ACTN1: variants seen among roughly 807,000 people sequenced by gnomAD.
ACTN1 encodes alpha-actinin-1.
A neutral mutation model predicts 119.6 loss-of-function variants in ACTN1; 30 were observed. The observed-to-expected ratio is 0.25, with a 90% CI of 0.19 to 0.34. The LOEUF is 0.34. Among genes scored for constraint, ACTN1 ranks in the 10% least tolerant of loss-of-function variants. The probability of loss-of-function intolerance (pLI) is 1.00; values close to 1 mark genes in which losing one functional copy is unlikely to be tolerated. For synonymous variants in ACTN1, 429 were observed against 472.6 expected (o/e 0.91, Z 1.20); for missense variants, 764 against 1,223.4 (o/e 0.62, Z 5.60).
At chr14:68,962,928 T>C (rs1050577699) in intron 1 of ACTN1, among the ~76,000 whole-genome samples, 3 of 152,234 alleles carry the variant, frequency 2.0e-5, no homozygotes, top group African/African-American at 7.2e-5. Context: ...TGCCTGCTAC[T>C]GCCCTAAAGA....
intron 1 of ACTN1, chr14:68,973,983 C>T (rs1358123080): frequency 6.6e-6 from 1 of 152,294 alleles, no homozygotes; most frequent in African/African-American, 2.4e-5. Flanking sequence ...GCGAGTAACT[C>T]AGCCCAACCC....
intron 1 of ACTN1, among the ~76,000 whole-genome samples, chr14:68,976,320 A>G (rs1425922174): frequency 6.6e-6 from 1 of 152,002 alleles, no homozygotes; most frequent in African/African-American, 2.4e-5. Flanking sequence ...GCCTCTGTCC[A>G]CTTGTGGACT....
Position 68,882,562 on chromosome 14 carries a change from C to A in ACTN1, c.1849G>T (p.Ala617Ser). ...TGTCGGGCATGCTCCTCCGTCAGAG[C>A]TTGGTCCCTCCGAGGCACCAGCTGC... ...VRQLVPRRDQ[A>S]LTEEHARQQH... Residue 617 changes from alanine to serine, a missense_variant, in exon 16 of 22, where the codon GCT becomes TCT. Around this residue, in one of 4 missense-constraint regions of ACTN1, gnomAD observed 544 missense variants for 912.0 expected, o/e 0.60. Coordinates refer to ENST00000394419, the MANE Select transcript of ACTN1 (RefSeq NM_001130004.2). The surrounding 1 kb of genome is among the most constrained non-coding windows in gnomAD (Gnocchi z 4.5). 1 of 1,614,192 alleles carries A rather than the reference C, an allele frequency of 6.2e-7. No homozygotes were observed. Among genetic ancestry groups the A allele is most frequent in the Non-Finnish European group, 8.5e-7 (1 of 1,180,044 alleles).
intron 1 of ACTN1, among the ~76,000 whole-genome samples, chr14:68,955,504 C>CT (rs2036325544): frequency 6.6e-6 from 1 of 152,208 alleles, no homozygotes; most frequent in African/African-American, 2.4e-5. Context: ...TCAGAGGTCA[C>CT]TCCGGTGGGC....
intron 1 of ACTN1, among the ~76,000 whole-genome samples, chr14:68,944,458 A>G (rs1335908685): frequency 6.6e-6 from 1 of 152,156 alleles, no homozygotes; most frequent in Non-Finnish European, 1.5e-5. Context: ...CTTACTGAGC[A>G]CTCATTCTGT....
intron 2 of ACTN1, among the ~76,000 whole-genome samples, chr14:68,924,447 A>C (rs1209022613): frequency 2.6e-5 from 4 of 152,256 alleles, no homozygotes; most frequent in Non-Finnish European, 4.4e-5. Flanking sequence ...AGAGGATCGA[A>C]GGTCTGATAC....
At chr14:68,923,025 C>T (rs1374092042) in intron 2 of ACTN1, among the ~76,000 whole-genome samples, 1 of 152,226 alleles carries the variant, frequency 6.6e-6, no homozygotes, top group East Asian at 1.9e-4. Flanking sequence ...CTTTCCCAAC[C>T]CTGGCAAAGA....
At chr14:68,917,886 T>G (rs889409252) in intron 3 of ACTN1, among the ~76,000 whole-genome samples, 2 of 151,966 alleles carry the variant, frequency 1.3e-5, no homozygotes, top group African/African-American at 4.8e-5. Flanking sequence ...GCCAACATAG[T>G]GAAACCCCAT....
chr14:68,961,874 C>T (rs2036552837), intron 1 of ACTN1, among the ~76,000 whole-genome samples: 1 of 152,174 alleles, frequency 6.6e-6, no homozygotes, highest in African/African-American at 2.4e-5. Flanking sequence ...GGAAGCATTC[C>T]TCATCCACCT....
rs2031420785 is a variant in ACTN1, at chr14:68,880,671, A to C, written c.2133+139T>G. 2 of 842,892 alleles carry C rather than the reference A, an allele frequency of 2.4e-6. No individual in the cohort carries two copies. Among genetic ancestry groups the C allele is most frequent in the Non-Finnish European group, 3.7e-6 (2 of 535,724 alleles). 52.2% of individuals were successfully genotyped at this position (842,892 alleles called of 1,614,324 possible). On this transcript the variant is annotated intron_variant, in intron 17 of 21. Transcript: ENST00000394419. The surrounding 1 kb of genome is among the most constrained non-coding windows in gnomAD (Gnocchi z 4.6). Reference sequence around the variant, plus strand: ...CCTTGGGAAAGCAGAAGGTACTAAAAATTGAAGATGTGAGGCTTCAGGGGT... The same window carrying C: ...CCTTGGGAAAGCAGAAGGTACTAAACATTGAAGATGTGAGGCTTCAGGGGT...
chr14:68,877,986 C>T (rs2031081687), intron 20 of ACTN1: 1 of 164,048 alleles, frequency 6.1e-6, no homozygotes, highest in South Asian at 1.7e-4. Context: ...CTCAGAATGT[C>T]TGTGCAAGGG....
rs564163168 is a variant in ACTN1, at chr14:68,968,757, T to C, written c.105+10195A>G. 7.9e-5 allele frequency among the ~76,000 whole-genome samples: 12 copies of C among 152,366 alleles called. No individual in the cohort carries two copies. In the South Asian group the frequency reaches 2.5e-3, roughly 32 times the overall value. Reference sequence around the variant, plus strand: ...TCAGGTCTTTCCAAATACCCTCAAATGGCCTTTACCTCCTACTAAGCCATC... The same window carrying C: ...TCAGGTCTTTCCAAATACCCTCAAACGGCCTTTACCTCCTACTAAGCCATC... On this transcript the variant is annotated intron_variant, in intron 1 of 21. Transcript: ENST00000394419.
chr14:68,885,500 T>A lies in ACTN1; in HGVS notation c.1310A>T (p.His437Leu). 8 of 1,614,144 alleles carry A rather than the reference T, an allele frequency of 5.0e-6. No individual in the cohort carries two copies. The highest frequency in any genetic ancestry group is 6.8e-6 in the Non-Finnish European group (8 of 1,180,008). The change falls in exon 12 of 22, where the codon CAT (histidine) becomes CTT (leucine). Residue 437 changes from histidine to leucine, a missense_variant. Physicochemically the swap from His to Leu is moderately conservative, Grantham distance 99. Coordinates refer to ENST00000394419, the MANE Select transcript of ACTN1 (RefSeq NM_001130004.2). This position sits in a 1 kb window ranked among gnomAD's most constrained non-coding sequence, Gnocchi z 5.6. ...LSEIKALLKK[H>L]EAFESDLAAH... ...AGCCAGGTCACTCTCGAAGGCCTCA[T>A]GCTTCTTGAGCAGGGCCTTGATCTC...
chr14:68,961,237 A>G (rs1056245744), intron 1 of ACTN1, among the ~76,000 whole-genome samples: 1 of 152,254 alleles, frequency 6.6e-6, no homozygotes, highest in Non-Finnish European at 1.5e-5. Flanking sequence ...CTGTGTAACT[A>G]TATAAGAAAA....
At chr14:68,976,780 G>A (rs927775231) in intron 1 of ACTN1, among the ~76,000 whole-genome samples, 3 of 152,194 alleles carry the variant, frequency 2.0e-5, no homozygotes, top group Admixed American at 1.3e-4. Context: ...CTCTGGCCCT[G>A]GTTTCCTAGT....
chr14:68,976,287 C>T (rs570274747), intron 1 of ACTN1, among the ~76,000 whole-genome samples: 16 of 152,300 alleles, frequency 1.1e-4, no homozygotes, highest in African/African-American at 3.9e-4. Context: ...CACTCACTCC[C>T]CTGCCTCCCT....
At chr14:68,889,629 C>A (rs1419337367) in intron 11 of ACTN1, among the ~76,000 whole-genome samples, 1 of 152,128 alleles carries the variant, frequency 6.6e-6, no homozygotes, top group Non-Finnish European at 1.5e-5. Context: ...ACTAAAAATA[C>A]AAAAATCAGC....
Position 68,879,082 on chromosome 14 carries a change from T to C in ACTN1, c.2281-13A>G. ...TGCCGGAGTGATCCTGGGGCCGCGG[T>C]GCGCCAGGCAGCGAGCCATGCGGTG... On this transcript the variant is annotated splice_polypyrimidine_tract_variant and intron_variant, in intron 18 of 21. Transcript: ENST00000394419. The surrounding 1 kb of genome is among the most constrained non-coding windows in gnomAD (Gnocchi z 4.9). 6.3e-7 allele frequency: 1 copy of C among 1,598,916 alleles called. No individual in the cohort carries two copies. The highest frequency in any genetic ancestry group is 1.7e-4 in the Middle Eastern group (1 of 5,986).
chr14:68,901,616 A>G (rs61985081), intron 8 of ACTN1, among the ~76,000 whole-genome samples: 18,280 of 151,920 alleles, frequency 0.12, 1,211 homozygotes, highest in Non-Finnish European at 0.14. Context: ...AGACGTGAAG[A>G]TTCTGTGGTC....
Sources: allele counts gnomAD v4.1 joint callset (sites outside exome capture counted in the v4.1 genomes callset), GRCh38; gene constraint gnomAD v4.1.1; regional missense constraint gnomAD v4.1.1; non-coding constraint Gnocchi (gnomAD v3.1); transcripts MANE v1.5; gene names NCBI Gene and HGNC (gene_info 2026-07-23, HGNC 2026-07-21).